Variants in MYT1L observed in about 807,000 individuals in gnomAD.
The protein encoded by MYT1L is myelin transcription factor 1-like protein.
MYT1L carries 12 observed loss-of-function variants against 126.7 expected under a neutral mutation model. The ratio of observed to expected loss-of-function variants is 0.09; its 90% CI spans 0.06 to 0.15. MYT1L has a LOEUF of 0.15. MYT1L is among the 10% of genes least tolerant of loss of function. MYT1L has a pLI of 1.00. For synonymous variants in MYT1L, 541 were observed against 604.2 expected, an observed-to-expected ratio of 0.90 and a Z score of 1.53; for missense variants, 979 against 1,585.2, an observed-to-expected ratio of 0.62 and a Z score of 6.49.
intron 18 of MYT1L, among the ~76,000 whole-genome samples, chr2:1,862,572 A>G (rs1475464396): frequency 6.6e-6 from 1 of 152,222 alleles, no homozygotes; most frequent in East Asian, 1.9e-4. Context: ...CAGGTCATAT[A>G]AAATTGAGAA....
intron 2 of MYT1L, among the ~76,000 whole-genome samples, chr2:2,248,956 C>G (rs913818857): frequency 6.6e-6 from 1 of 152,042 alleles, no homozygotes; most frequent in Non-Finnish European, 1.5e-5. Context: ...TAGATCTGAA[C>G]ATGACAAAGA....
At position 1,789,657 on chromosome 2, in the gene MYT1L, ACACAACG is replaced by A; in HGVS notation, c.*2203_*2209del. 6.6e-6 allele frequency: 1 copy of A among 152,226 alleles called. No individual in the cohort carries two copies. The highest frequency in any genetic ancestry group is 1.9e-4 in the East Asian group (1 of 5,186). 9.4% of individuals were successfully genotyped at this position (152,226 alleles called of 1,614,324 possible). A position where few individuals can be genotyped will look rare whatever the true frequency, so the allele number is the denominator to read the frequency against. On this transcript the variant is annotated 3_prime_UTR_variant, in exon 25 of 25. Transcript: ENST00000647738. ...TACTATATTGGCAAAGAAGCTGCAG[ACACAACG>A]CGGTGGGGAAATGCATATGCTGTTA...
At chr2:1,951,362 A>G (rs1311603998) in intron 8 of MYT1L, among the ~76,000 whole-genome samples, 1 of 152,026 alleles carries the variant, frequency 6.6e-6, no homozygotes, top group African/African-American at 2.4e-5. Flanking sequence ...ACAGAGATGA[A>G]GAGGTCAGGG....
At chr2:1,831,884 G>T (rs2148290933) in intron 21 of MYT1L, among the ~76,000 whole-genome samples, 1 of 152,166 alleles carries the variant, frequency 6.6e-6, no homozygotes, top group South Asian at 2.1e-4. Flanking sequence ...GAACCTGCAG[G>T]GTCAAGTGTG....
chr2:1,870,652 G>C (rs79645452), intron 18 of MYT1L, among the ~76,000 whole-genome samples: 1,908 of 152,250 alleles, frequency 0.013, 34 homozygotes, highest in African/African-American at 0.043. Flanking sequence ...TGCTGTTGTA[G>C]GCAGAACTCC....
intron 14 of MYT1L, among the ~76,000 whole-genome samples, chr2:1,896,867 C>T (rs187107471): frequency 3.3e-5 from 5 of 152,314 alleles, no homozygotes; most frequent in South Asian, 2.1e-4. Flanking sequence ...TTAACTAAAA[C>T]GACTCTCTGC....
chr2:1,941,039 C>T (rs2056591761), intron 9 of MYT1L, among the ~76,000 whole-genome samples: 1 of 152,180 alleles, frequency 6.6e-6, no homozygotes, highest in Non-Finnish European at 1.5e-5. Flanking sequence ...ACAATTATAT[C>T]CTAAGTGTTC....
intron 3 of MYT1L, among the ~76,000 whole-genome samples, chr2:2,092,451 G>A (rs966940854): frequency 6.6e-6 from 1 of 152,110 alleles, no homozygotes; most frequent in Non-Finnish European, 1.5e-5. Flanking sequence ...GATAACCAAA[G>A]CAGATATGAT....
intron 18 of MYT1L, among the ~76,000 whole-genome samples, chr2:1,863,532 C>T (rs536322208): frequency 1.4e-5 from 2 of 140,126 alleles, no homozygotes; most frequent in Admixed American, 6.9e-5. Context: ...GTGACAGCCA[C>T]GCTTGCAGAG....
In MYT1L at chr2:1,942,995, C is replaced by T. The variant is rs779977370; in HGVS notation, c.492G>A (p.Glu164=). 37 of 1,534,102 alleles carry T rather than the reference C, an allele frequency of 2.4e-5. No individual in the cohort carries two copies. The highest frequency in any genetic ancestry group is 3.1e-5 in the Non-Finnish European group (35 of 1,136,270). Reference sequence around the variant, plus strand: ...TTTAAAGATTACCGTTTTCTTCTTCCTCTTCCTCCTCCTCCTCCTCCTCCT... The same window carrying T: ...TTTAAAGATTACCGTTTTCTTCTTCTTCTTCCTCCTCCTCCTCCTCCTCCT... ...EEEEEEEEEE[E]EEENEDHQMN... is the part of the protein sequence containing the mutation. The change falls in exon 9 of 25, where the codon GAG becomes GAA. Residue 164 remains glutamate (E), a synonymous_variant. Coordinates refer to ENST00000647738, the MANE Select transcript of MYT1L (RefSeq NM_001303052.2).
chr2:1,965,622 G>C (rs1219935580), intron 8 of MYT1L, among the ~76,000 whole-genome samples: 3 of 152,218 alleles, frequency 2.0e-5, no homozygotes. Context: ...TTTTTCACAC[G>C]CGGGAAGCCA....
intron 21 of MYT1L, among the ~76,000 whole-genome samples, chr2:1,812,220 C>T (rs955580224): frequency 3.9e-5 from 6 of 152,172 alleles, no homozygotes; most frequent in Non-Finnish European, 5.9e-5. Context: ...GATGCTCTAA[C>T]GCACATAAGA....
At position 1,892,105 on chromosome 2, in the gene MYT1L, G is replaced by C; in HGVS notation, c.2215C>G (p.Leu739Val). The change falls in exon 15 of 25, where the codon CTG becomes GTG. Residue 739 changes from leucine to valine, a missense_variant. Coordinates refer to ENST00000647738, the MANE Select transcript of MYT1L (RefSeq NM_001303052.2). ...AHMAATAILN[L>V]STRCREMPQN... ...GGCATCTCGCGGCAGCGCGTGGACA[G>C]GTTGAGGATGGCGGTGGCCGCCATG... is the stretch of plus-strand genomic sequence containing the variant. 6.5e-7 allele frequency: 1 copy of C among 1,545,954 alleles called. No individual in the cohort carries two copies. The highest frequency in any genetic ancestry group is 8.7e-7 in the Non-Finnish European group (1 of 1,146,610).
chr2:2,226,964 T>A (rs2094025916), intron 2 of MYT1L, among the ~76,000 whole-genome samples: 1 of 152,212 alleles, frequency 6.6e-6, no homozygotes, highest in South Asian at 2.1e-4. Context: ...TTATTTAGAC[T>A]ATGCTTTGCT....
chr2:1,822,091 C>G (rs1279402851), intron 21 of MYT1L, among the ~76,000 whole-genome samples: 1 of 152,150 alleles, frequency 6.6e-6, no homozygotes, highest in Non-Finnish European at 1.5e-5. Flanking sequence ...TTTCTGGGTT[C>G]TTTCTTCACT....
At chr2:2,116,045 G>A (rs1464714774) in intron 3 of MYT1L, among the ~76,000 whole-genome samples, 13 of 151,420 alleles carry the variant, frequency 8.6e-5, no homozygotes, top group East Asian at 5.8e-4. Flanking sequence ...ACGTCCAGTC[G>A]ACGAAAACAG....
rs552286372 is a variant in MYT1L, at chr2:1,832,353, G to T, written c.3080+6796C>A. On this transcript the variant is annotated intron_variant, in intron 21 of 24. Coordinates refer to ENST00000647738, the MANE Select transcript of MYT1L (RefSeq NM_001303052.2). ...CAGGGACAGGGGATAGAGGTCAGTT[G>T]CTCAAGCCACCTGGCCTAGGGTATT... 2.6e-5 allele frequency among the ~76,000 whole-genome samples: 4 copies of T among 152,302 alleles called. No homozygotes were observed. The East Asian group carries it at 7.8e-4, about 30-fold the overall frequency.
intron 8 of MYT1L, among the ~76,000 whole-genome samples, chr2:1,975,340 T>C (rs1333880209): frequency 6.6e-6 from 1 of 151,170 alleles, no homozygotes; most frequent in Non-Finnish European, 1.5e-5. Flanking sequence ...CCCCAGAAAC[T>C]ACCATAGCGT....
chr2:1,991,666 C>T (rs1282522248), intron 5 of MYT1L, among the ~76,000 whole-genome samples: 2 of 152,140 alleles, frequency 1.3e-5, no homozygotes, highest in Middle Eastern at 3.2e-3. Context: ...TCGCCTGGTT[C>T]GCCTCCTGCT....
Sources: gnomAD v4.1 joint callset for allele counts (sites outside exome capture counted in the v4.1 genomes callset) on GRCh38, gnomAD v4.1.1 for gene constraint, MANE v1.5 for transcripts, NCBI Gene and HGNC (gene_info 2026-07-23, HGNC 2026-07-21) for gene names.